FGD5: variants seen among roughly 807,000 people sequenced by gnomAD.
FGD5 encodes FYVE, RhoGEF and PH domain containing 5.
Under a neutral mutation model 133.4 loss-of-function variants are expected in FGD5, and 28 were observed. The observed-to-expected ratio is 0.21, with a 90% CI of 0.16 to 0.29. FGD5 has a LOEUF of 0.29. Ranked by LOEUF, FGD5 falls within the 10% of genes least tolerant of loss-of-function variation. The pLI is 1.00. For missense variants in FGD5, 1,858 were observed against 1,895.2 expected (o/e 0.98, Z 0.36); for synonymous variants, 810 against 776.5 (o/e 1.04, Z -0.72).
chr3:14,887,505 A>G (rs550680849), intron 4 of FGD5, among the ~76,000 whole-genome samples: 2 of 152,086 alleles, frequency 1.3e-5, no homozygotes, highest in South Asian at 4.2e-4. Context: ...GTAAATAGCC[A>G]CTGCACTCCA....
At chr3:14,895,555 C>T (rs1304866517) in intron 4 of FGD5, among the ~76,000 whole-genome samples, 1 of 152,016 alleles carries the variant, frequency 6.6e-6, no homozygotes. Flanking sequence ...ACAACAAGAT[C>T]TGTTTTTTGT....
chr3:14,885,181 A>G (rs1226139453), intron 4 of FGD5, among the ~76,000 whole-genome samples: 1 of 151,612 alleles, frequency 6.6e-6, no homozygotes, highest in African/African-American at 2.4e-5. Context: ...TGCAGGTTAC[A>G]TAGTAGACAA....
At chr3:14,817,091 G>GA (rs2125065463), upstream of FGD5, among the ~76,000 whole-genome samples, 1 of 152,150 alleles carries the variant, frequency 6.6e-6, no homozygotes, top group East Asian at 1.9e-4. Context: ...CACTTAGTAT[G>GA]AAAAAAGAGT....
chr3:14,845,082 A>G (rs972607093), intron 1 of FGD5, among the ~76,000 whole-genome samples: 80 of 152,302 alleles, frequency 5.3e-4, no homozygotes, highest in African/African-American at 1.9e-3. Flanking sequence ...CCACTCACTC[A>G]GAAAATGCCT....
intron 2 of FGD5, among the ~76,000 whole-genome samples, chr3:14,871,578 T>A (rs765884505): frequency 6.6e-6 from 1 of 151,882 alleles, no homozygotes; most frequent in Non-Finnish European, 1.5e-5. Context: ...GCAAGGCGGG[T>A]GACAGAGGAG....
intron 4 of FGD5, among the ~76,000 whole-genome samples, chr3:14,887,281 G>A (rs1415766873): frequency 6.6e-6 from 1 of 152,128 alleles, no homozygotes; most frequent in Non-Finnish European, 1.5e-5. Flanking sequence ...TGTTCCCAGT[G>A]GCTTGTGATG....
chr3:14,863,844 G>T (rs993041292), intron 1 of FGD5, among the ~76,000 whole-genome samples: 1 of 152,174 alleles, frequency 6.6e-6, no homozygotes, highest in Non-Finnish European at 1.5e-5. Flanking sequence ...TCTTCTGCCC[G>T]CATCCTGAGT....
chr3:14,916,793 A>G (rs1365332588), intron 11 of FGD5, among the ~76,000 whole-genome samples: 1 of 152,188 alleles, frequency 6.6e-6, no homozygotes, highest in Non-Finnish European at 1.5e-5. Context: ...AGTGTCACAG[A>G]AATGTCATCA....
Position 14,922,672 on chromosome 3 carries a change from C to G in FGD5, c.3807+124C>G. The G allele has an allele frequency of 7.6e-7, 1 of 1,310,744 alleles. No individual in the cohort carries two copies. The highest frequency in any genetic ancestry group is 1.0e-6 in the Non-Finnish European group (1 of 966,964). The allele number at this position is 1,310,744 out of a possible 1,614,324, so 81.2% of individuals were successfully genotyped here. A position where few individuals can be genotyped will look rare whatever the true frequency, so the allele number is the denominator to read the frequency against. On this transcript the variant is annotated intron_variant, in intron 15 of 19. Transcript: ENST00000285046. The surrounding 1 kb of genome is among the most constrained non-coding windows in gnomAD (Gnocchi z 4.1). ...TGTAAGCCCCAGAGTGAGGCATGTTCACACCAACCCGAGAGGAACAGATTG... is the reference window on the plus strand; with the variant it reads ...TGTAAGCCCCAGAGTGAGGCATGTTGACACCAACCCGAGAGGAACAGATTG...
chr3:14,840,311 A>G (rs1484258659), intron 1 of FGD5, among the ~76,000 whole-genome samples: 1 of 151,878 alleles, frequency 6.6e-6, no homozygotes, highest in African/African-American at 2.4e-5. Context: ...CGCCAGGCTA[A>G]TATTTGTATT....
intron 1 of FGD5, among the ~76,000 whole-genome samples, chr3:14,837,948 C>A (rs981178400): frequency 6.6e-6 from 1 of 152,192 alleles, no homozygotes; most frequent in Non-Finnish European, 1.5e-5. Flanking sequence ...TGGCTTAAGA[C>A]AACATCTGTT....
At chr3:14,915,729 G>A (rs2038541160) in intron 11 of FGD5, among the ~76,000 whole-genome samples, 1 of 152,042 alleles carries the variant, frequency 6.6e-6, no homozygotes, top group African/African-American at 2.4e-5. Context: ...GGTTCACATT[G>A]GTGCCATGTG....
At chr3:14,842,099 G>A (rs1226103075) in intron 1 of FGD5, among the ~76,000 whole-genome samples, 2 of 152,214 alleles carry the variant, frequency 1.3e-5, no homozygotes, top group East Asian at 3.8e-4. Context: ...ATGCCAAGTT[G>A]TCCTCAAACC....
chr3:14,914,184 A>C (rs1012067736), intron 11 of FGD5, among the ~76,000 whole-genome samples: 1 of 152,254 alleles, frequency 6.6e-6, no homozygotes, highest in African/African-American at 2.4e-5. Context: ...CATGGTGAAC[A>C]AACACACTTA....
intron 1 of FGD5, among the ~76,000 whole-genome samples, chr3:14,837,241 G>A (rs1446028268): frequency 6.6e-6 from 1 of 152,216 alleles, no homozygotes; most frequent in Non-Finnish European, 1.5e-5. Context: ...AACTATTTGA[G>A]GTTAAATAGG....
In FGD5 at chr3:14,928,199, A is replaced by G. The variant is rs541074769; in HGVS notation, c.4197+2001A>G. ...TCATGATCCACCCACCTTGGCTTCC[A>G]AAGTGCTGGGATTACAGGCGTGAGC... On this transcript the variant is annotated intron_variant, in intron 18 of 19. Coordinates refer to ENST00000285046, the MANE Select transcript of FGD5 (RefSeq NM_152536.4). 4.6e-5 allele frequency among the ~76,000 whole-genome samples: 7 copies of G among 151,716 alleles called. No individual in the cohort carries two copies. The South Asian group carries it at 1.2e-3, about 27-fold the overall frequency.
rs756263661 is a variant in FGD5, at chr3:14,812,720, T to C, written c.13+1855T>C. Among the ~76,000 whole-genome samples, 21 of 152,344 alleles carry C rather than the reference T, an allele frequency of 1.4e-4. No individual in the cohort carries two copies. The Middle Eastern group carries it at 0.01, about 74-fold the overall frequency. The stretch of plus-strand genomic sequence containing the variant: ...AATCTCAGAACCATCATATGCTTAG[T>C]TATGTGACCTTAAGCAGGTTATTCA... On this transcript the variant is annotated intron_variant, in intron 1 of 1. Coordinates refer to the FGD5 transcript ENST00000640506.
At chr3:14,888,593 G>A (rs2037967339) in intron 4 of FGD5, among the ~76,000 whole-genome samples, 1 of 152,150 alleles carries the variant, frequency 6.6e-6, no homozygotes, top group African/African-American at 2.4e-5. Flanking sequence ...TTTTTTTAAA[G>A]TTAAAATAAT....
chr3:14,822,912 T>A (rs2036530950), intron 1 of FGD5, among the ~76,000 whole-genome samples: 1 of 152,178 alleles, frequency 6.6e-6, no homozygotes, highest in African/African-American at 2.4e-5. Flanking sequence ...TGCTAGGAAG[T>A]GTTTGCATGG....
Sources: allele counts gnomAD v4.1 joint callset (sites outside exome capture counted in the v4.1 genomes callset), GRCh38; gene constraint gnomAD v4.1.1; non-coding constraint Gnocchi (gnomAD v3.1); transcripts MANE v1.5; gene names NCBI Gene and HGNC (gene_info 2026-07-23, HGNC 2026-07-21).